PLOD2: variants seen among roughly 807,000 people sequenced by gnomAD.
PLOD2 encodes procollagen-lysine,2-oxoglutarate 5-dioxygenase 2.
PLOD2 carries 65 observed loss-of-function variants against 101.0 expected under a neutral mutation model. The ratio of observed to expected loss-of-function variants is 0.64; its 90% CI spans 0.53 to 0.79. The LOEUF is 0.79. Ranked by LOEUF, PLOD2 falls within the 30% of genes least tolerant of loss-of-function variation. The pLI is 0.00. For synonymous variants in PLOD2, 314 were observed against 302.9 expected, an observed-to-expected ratio of 1.04 and a Z score of -0.38; for missense variants, 909 against 914.6, an observed-to-expected ratio of 0.99 and a Z score of 0.08.
chr3:146,070,947 C>G, intron 19 of PLOD2, 75 bp from the exon 20 acceptor site: 1 of 1,514,944 alleles, frequency 6.6e-7, no homozygotes, highest in Non-Finnish European at 9.1e-7. Context: ...GTCATTTGAG[C>G]AAAATTTAAA....
chr3:146,143,885 A>G (rs1369100182), intron 1 of PLOD2, among the ~76,000 whole-genome samples: 2 of 152,084 alleles, frequency 1.3e-5, no homozygotes, highest in East Asian at 3.9e-4. Flanking sequence ...CAAGTACCTA[A>G]GAGATCTGGT....
At chr3:146,133,001 C>T (rs914497913) in intron 1 of PLOD2, among the ~76,000 whole-genome samples, 1 of 152,010 alleles carries the variant, frequency 6.6e-6, no homozygotes, top group Non-Finnish European at 1.5e-5. Context: ...TGGTGAAACC[C>T]GGTCTCTACT....
intron 11 of PLOD2, among the ~76,000 whole-genome samples, chr3:146,083,605 G>C (rs71300375): frequency 7.4e-6 from 1 of 135,008 alleles, no homozygotes; most frequent in Non-Finnish European, 1.5e-5. Flanking sequence ...TTTTTGAGAC[G>C]GAGTCTCGCT....
chr3:146,075,652 T>G (rs1268967690), intron 15 of PLOD2, among the ~76,000 whole-genome samples: 3 of 151,706 alleles, frequency 2.0e-5, no homozygotes, highest in Non-Finnish European at 3.0e-5. Context: ...AAAAAATGTA[T>G]TTTCCTAAAC....
At chr3:146,138,078 T>C (rs1022437844) in intron 1 of PLOD2, among the ~76,000 whole-genome samples, 1 of 151,598 alleles carries the variant, frequency 6.6e-6, no homozygotes, top group African/African-American at 2.4e-5. Flanking sequence ...GAATTAAGAG[T>C]GGACAGCTGG....
chr3:146,159,239 C>T (rs1264897846), intron 1 of PLOD2, among the ~76,000 whole-genome samples: 1 of 152,164 alleles, frequency 6.6e-6, no homozygotes, highest in Non-Finnish European at 1.5e-5. Context: ...TTCATGTGGT[C>T]GTTTCCTGAG....
intron 5 of PLOD2, among the ~76,000 whole-genome samples, 176 bp from the exon 6 acceptor site, chr3:146,104,518 A>G (rs1937502260): frequency 6.6e-6 from 1 of 152,252 alleles, no homozygotes; most frequent in Admixed American, 6.5e-5. Flanking sequence ...AGAAACTGCG[A>G]TAGTTGCAAC....
intron 1 of PLOD2, among the ~76,000 whole-genome samples, chr3:146,127,964 A>C (rs984068342): frequency 2.6e-5 from 4 of 152,174 alleles, no homozygotes; most frequent in Admixed American, 1.3e-4. Flanking sequence ...AAAGTTATCA[A>C]ATAACTAAAA....
chr3:146,120,340 T>C lies in PLOD2; in HGVS notation c.338+772A>G, dbSNP rs541674495. Among the ~76,000 whole-genome samples the C allele has an allele frequency of 2.6e-5, 4 of 152,328 alleles. No individual in the cohort carries two copies. The East Asian group carries it at 5.8e-4, about 22-fold the overall frequency. On this transcript the variant is annotated intron_variant, in intron 3 of 19. Transcript: ENST00000282903. ...TTGAGTTCATTGTAGATTCTGGATA[T>C]TAGCCCTTTGTCAGATGAGTAGATT...
intron 7 of PLOD2, among the ~76,000 whole-genome samples, chr3:146,101,262 G>A (rs1937379076): frequency 6.6e-6 from 1 of 152,154 alleles, no homozygotes; most frequent in Non-Finnish European, 1.5e-5. Context: ...ACCCAACAAT[G>A]TATATGGAAA....
chr3:146,117,689 G>A (rs971841886), intron 3 of PLOD2, among the ~76,000 whole-genome samples: 1 of 152,052 alleles, frequency 6.6e-6, no homozygotes, highest in African/African-American at 2.4e-5. Flanking sequence ...GTTCTCACAG[G>A]AGATGTCAGA....
At position 146,075,692 on chromosome 3, in the gene PLOD2, C is replaced by A. The variant is rs1240770970; in HGVS notation, c.1677+1090G>T. On this transcript the variant is annotated intron_variant, in intron 15 of 19. Coordinates refer to ENST00000282903, the MANE Select transcript of PLOD2 (RefSeq NM_182943.3). ...CTTTTTGAATTTTCTTCTAAAAAAT[C>A]AAACTATTATAATATGTGAACTATT... Among the ~76,000 whole-genome samples the A allele has an allele frequency of 2.0e-5, 3 of 151,410 alleles. No individual in the cohort carries two copies. In the East Asian group the frequency reaches 5.8e-4, roughly 29 times the overall value.
chr3:146,070,706 A>G lies in PLOD2; in HGVS notation c.*11T>C. 1 of 1,574,722 alleles carries G rather than the reference A, an allele frequency of 6.4e-7. No individual in the cohort carries two copies. ...CCAAAATAAATTTCAATTCAATGAA[A>G]AGTAAATAACTTAGGGATCTATAAA... On this transcript the variant is annotated 3_prime_UTR_variant, in exon 20 of 20. Coordinates refer to ENST00000282903, the MANE Select transcript of PLOD2 (RefSeq NM_182943.3).
In PLOD2 at chr3:146,160,939, G is replaced by A. The variant is rs2032548146; in HGVS notation, c.51C>T (p.Leu17=). ...KPQLLLLALV[L]HPWNPCLGAD... is the part of the protein sequence containing the mutation. ...CACCCAGACAGGGATTCCAGGGGTG[G>A]AGGACGAGCGCCAGGAGCAGCAGCT... Residue 17 remains leucine (L), a synonymous_variant, in exon 1 of 20, where the codon CTC becomes CTT. Coordinates refer to ENST00000282903, the MANE Select transcript of PLOD2 (RefSeq NM_182943.3). 1 of 1,600,922 alleles carries A rather than the reference G, an allele frequency of 6.2e-7. No homozygotes were observed.
intron 12 of PLOD2, among the ~76,000 whole-genome samples, chr3:146,081,449 A>C (rs1936536339): frequency 6.6e-6 from 1 of 152,184 alleles, no homozygotes; most frequent in South Asian, 2.1e-4. Flanking sequence ...TTAAATAAAG[A>C]GTATTACTCT....
intron 5 of PLOD2, among the ~76,000 whole-genome samples, chr3:146,105,538 G>A (rs1937521964): frequency 6.6e-6 from 1 of 152,194 alleles, no homozygotes; most frequent in Admixed American, 6.5e-5. Context: ...GAAGGTCTCT[G>A]TCCTCAAGGG....
Position 146,110,323 on chromosome 3 carries a change from G to T in PLOD2, c.464C>A (p.Pro155His), listed in dbSNP as rs750387867. The change falls in exon 4 of 20, where the codon CCT (proline) becomes CAT (histidine). Residue 155 changes from proline (P) to histidine (H), a missense_variant. Coordinates refer to ENST00000282903, the MANE Select transcript of PLOD2 (RefSeq NM_182943.3). The part of the protein sequence containing the change: ...WPDKRLADKY[P>H]VVHIGKRYLN... ...ATAGCGTTTCCCAATGTGCACAACA[G>T]GATACTTGTCTGCTAGTCTTTTATC... The T allele has an allele frequency of 1.9e-6, 3 of 1,613,798 alleles. No homozygotes were observed. Among genetic ancestry groups the T allele is most frequent in the Non-Finnish European group, 1.7e-6 (2 of 1,179,836 alleles).
At chr3:146,094,922 C>T (rs1394439656) in intron 7 of PLOD2, among the ~76,000 whole-genome samples, 1 of 152,156 alleles carries the variant, frequency 6.6e-6, no homozygotes, top group East Asian at 1.9e-4. Flanking sequence ...CACCACACAT[C>T]TACAACCATC....
At chr3:146,116,582 A>T (rs987165011) in intron 3 of PLOD2, among the ~76,000 whole-genome samples, 2 of 152,142 alleles carry the variant, frequency 1.3e-5, no homozygotes, top group Admixed American at 1.3e-4. Context: ...ATATGGAACA[A>T]ATCTAAGTAT....
Sources: gnomAD v4.1 joint callset for allele counts (sites outside exome capture counted in the v4.1 genomes callset) on GRCh38, gnomAD v4.1.1 for gene constraint, MANE v1.5 for transcripts, NCBI Gene and HGNC (gene_info 2026-07-23, HGNC 2026-07-21) for gene names.